The following GLB1 variants were observed in gnomAD, a reference collection of about 807,000 sequenced individuals.
The protein encoded by GLB1 is galactosidase beta 1.
In GLB1, 56 loss-of-function variants were observed where a neutral mutation model predicts 74.0. That is an observed-to-expected ratio of 0.76 (90% CI 0.61 to 0.94). The LOEUF (loss-of-function observed/expected upper bound fraction) is 0.94. GLB1 is among the 40% of genes least tolerant of loss of function. The pLI, the probability that GLB1 is intolerant of heterozygous loss-of-function variation, is 0.00. For synonymous variants in GLB1, 323 were observed against 323.6 expected (o/e 1.00, Z 0.02); for missense variants, 787 against 845.5 (o/e 0.93, Z 0.86).
the GLB1 span, among the ~76,000 whole-genome samples, chr3:32,985,588 G>T: frequency 1.1e-4 from 16 of 152,024 alleles, no homozygotes; most frequent in African/African-American, 3.4e-4. Context: ...TACTATGCCC[G>T]GCCTATGTTT....
At chr3:33,007,672 C>G (rs1696843466) in intron 15 of GLB1, among the ~76,000 whole-genome samples, 1 of 152,170 alleles carries the variant, frequency 6.6e-6, no homozygotes, top group Admixed American at 6.5e-5. Flanking sequence ...GTGCAATGAA[C>G]AGTTGTGTAC....
intron 15 of GLB1, among the ~76,000 whole-genome samples, chr3:33,010,587 T>G (rs1404062573): frequency 6.6e-6 from 1 of 152,192 alleles, no homozygotes; most frequent in Non-Finnish European, 1.5e-5. Context: ...GTTTGTGGCT[T>G]GGATTCTCAT....
At chr3:32,998,986 C>A (rs1255831562) in intron 15 of GLB1, among the ~76,000 whole-genome samples, 2 of 152,184 alleles carry the variant, frequency 1.3e-5, no homozygotes, top group African/African-American at 4.8e-5. Context: ...GGTCTCAACT[C>A]AATTTTTCAT....
At chr3:32,970,603 C>A in the GLB1 span, among the ~76,000 whole-genome samples, 1 of 151,928 alleles carries the variant, frequency 6.6e-6, no homozygotes, top group Non-Finnish European at 1.5e-5. Context: ...TAGGATAGGC[C>A]CCATATTGTT....
chr3:33,027,644 T>A (rs1697828959), intron 10 of GLB1, among the ~76,000 whole-genome samples: 1 of 152,124 alleles, frequency 6.6e-6, no homozygotes, highest in Non-Finnish European at 1.5e-5. Context: ...TAGCCAGGCA[T>A]GGTGGCACAT....
intron 15 of GLB1, among the ~76,000 whole-genome samples, chr3:33,013,078 C>A (rs1014139655): frequency 3.3e-5 from 5 of 152,222 alleles, no homozygotes; most frequent in Non-Finnish European, 1.5e-5. Flanking sequence ...TAAGGCCCGT[C>A]CCAATCTAGT....
chr3:32,972,183 G>A, the GLB1 span, among the ~76,000 whole-genome samples: 1 of 152,194 alleles, frequency 6.6e-6, no homozygotes, highest in African/African-American at 2.4e-5. Flanking sequence ...ACATCATAAG[G>A]TTGCAGGCAG....
At chr3:33,049,656 T>C (rs745624013) in intron 9 of GLB1, among the ~76,000 whole-genome samples, 1 of 152,080 alleles carries the variant, frequency 6.6e-6, no homozygotes, top group Non-Finnish European at 1.5e-5. Context: ...GACCTCGTGA[T>C]CCACGCACCT....
chr3:32,984,481 A>C, the GLB1 span, among the ~76,000 whole-genome samples: 45 of 152,318 alleles, frequency 3.0e-4, no homozygotes, highest in South Asian at 9.1e-3. Context: ...GCTTTGGATA[A>C]TAAAATGCAA....
rs375329469 is a variant in GLB1 at position 33,094,110 on chromosome 3, G to A, written c.75+2901C>T. 17 of 1,614,122 alleles carry A rather than the reference G, an allele frequency of 1.1e-5. No individual in the cohort carries two copies. In the African/African-American group the frequency reaches 1.5e-4, roughly 14 times the overall value. On this transcript the variant is annotated intron_variant, in intron 1 of 15. Coordinates refer to ENST00000307363, the MANE Select transcript of GLB1 (RefSeq NM_000404.4). ...GAGCTCAAGGCTCTCTGCCAGATAC[G>A]AGCGGGAGGCGATCATGGACACGAA... is the stretch of plus-strand genomic sequence containing the variant.
intron 1 of GLB1, among the ~76,000 whole-genome samples, chr3:33,074,624 G>C (rs1700043022): frequency 6.6e-6 from 1 of 152,090 alleles, no homozygotes; most frequent in African/African-American, 2.4e-5. Flanking sequence ...GGGTTCGACT[G>C]TTAAGCCGAG....
At chr3:33,064,290 C>A in intron 5 of GLB1, among the ~76,000 whole-genome samples, 1 of 147,374 alleles carries the variant, frequency 6.8e-6, no homozygotes, top group East Asian at 2.1e-4. Flanking sequence ...AATACAAAAA[C>A]ATAGCCAGGC....
the GLB1 span, among the ~76,000 whole-genome samples, chr3:32,988,185 C>CAAAAAAA: frequency 3.3e-5 from 2 of 60,418 alleles, no homozygotes; most frequent in Non-Finnish European, 3.2e-5. Flanking sequence ...GACTCCATCT[C>CAAAAAAA]AAAAAAAAAA....
At chr3:33,010,809 C>A (rs1281877023) in intron 15 of GLB1, among the ~76,000 whole-genome samples, 1 of 151,800 alleles carries the variant, frequency 6.6e-6, no homozygotes, top group Non-Finnish European at 1.5e-5. Context: ...GATATTTTTA[C>A]AAACCCAAAA....
At position 33,045,892 on chromosome 3, in the gene GLB1, G is replaced by C. The variant is rs932469029; in HGVS notation, c.1068+228C>G. 33 of 818,812 alleles carry C rather than the reference G, an allele frequency of 4.0e-5. No individual in the cohort carries two copies. The African/African-American group carries it at 5.4e-4, about 13-fold the overall frequency. 50.7% of individuals were successfully genotyped at this position (818,812 alleles called of 1,614,324 possible). On this transcript the variant is annotated intron_variant, in intron 10 of 15. Transcript: ENST00000307363. ...ATTTAACACTGTATTATATATTGCA[G>C]TTTTTAAATACATGTCTTATATCTC...
rs369133124 is a variant in GLB1 at position 32,997,169 on chromosome 3, G to A, written c.1910C>T (p.Thr637Met). ...SSDDPELCAV[T>M]FVDRPVIGSS... ...GCCAATAACTGGCCTGTCCACGAAC[G>A]TCACAGCACATAGTTCTGGATCATC... Residue 637 changes from threonine (T) to methionine (M), a missense_variant, in exon 16 of 16, where the codon ACG (threonine) becomes ATG (methionine). Physicochemically the swap from Thr to Met is moderately conservative, Grantham distance 81. Transcript: ENST00000307363. 1.7e-5 allele frequency: 27 copies of A among 1,614,030 alleles called. No individual in the cohort carries two copies. Among genetic ancestry groups the A allele is most frequent in the Middle Eastern group, 1.6e-4 (1 of 6,084 alleles).
intron 5 of GLB1, among the ~76,000 whole-genome samples, chr3:33,063,797 C>T (rs761117562): frequency 3.3e-5 from 5 of 152,136 alleles, no homozygotes; most frequent in Non-Finnish European, 7.3e-5. Flanking sequence ...ATTAGCTTAA[C>T]CAGTACAGAC....
chr3:33,024,533 G>A (rs780815710), intron 10 of GLB1: 16 of 546,384 alleles, frequency 2.9e-5, no homozygotes, highest in South Asian at 7.0e-5. Flanking sequence ...TTAAGCTTCA[G>A]GAATATCCAA....
chr3:33,034,196 G>A lies in GLB1; in HGVS notation c.1069-9871C>T, dbSNP rs999052102. The A allele has an allele frequency of 2.8e-5, 18 of 636,606 alleles. No individual in the cohort carries two copies. In the African/African-American group the frequency reaches 3.1e-4, roughly 11 times the overall value. 39.4% of individuals were successfully genotyped at this position (636,606 alleles called of 1,614,324 possible). A position where few individuals can be genotyped will look rare whatever the true frequency, so the allele number is the denominator to read the frequency against. ...CTCCTCCGTGAACTCTGTATGCTAG[G>A]TCCCCCATGACTACGGCCTGATCCT... On this transcript the variant is annotated intron_variant, in intron 10 of 15. Transcript: ENST00000307363.
Sources: gnomAD v4.1 joint callset for allele counts (sites outside exome capture counted in the v4.1 genomes callset) on GRCh38, gnomAD v4.1.1 for gene constraint, MANE v1.5 for transcripts, NCBI Gene and HGNC (gene_info 2026-07-23, HGNC 2026-07-21) for gene names.